The following SPAG16 variants were observed in gnomAD, a reference collection of about 807,000 sequenced individuals.
SPAG16 encodes the protein sperm-associated antigen 16 protein.
A neutral mutation model predicts 80.4 loss-of-function variants in SPAG16; 86 were observed. The observed-to-expected ratio is 1.07, with a 90% confidence interval of 0.90 to 1.28. The LOEUF is 1.28. Ranked by LOEUF, SPAG16 falls within the 50% of genes most tolerant of loss-of-function variation. The pLI is 0.00. For missense variants in SPAG16, 870 were observed against 765.3 expected, an observed-to-expected ratio of 1.14 and a Z score of -1.61; for synonymous variants, 294 against 265.9, an observed-to-expected ratio of 1.11 and a Z score of -1.03.
chr2:213,909,001 A>G (rs1273516283), intron 11 of SPAG16, among the ~76,000 whole-genome samples: 1 of 148,070 alleles, frequency 6.8e-6, no homozygotes, highest in African/African-American at 2.5e-5. Context: ...TTCAATTCCC[A>G]TCTATGAGTG....
intron 13 of SPAG16, among the ~76,000 whole-genome samples, chr2:214,083,517 C>G (rs2051520391): frequency 1.3e-5 from 2 of 152,126 alleles, no homozygotes; most frequent in Non-Finnish European, 2.9e-5. Flanking sequence ...GTCTCGTGTT[C>G]TGATTTCTGT....
intron 12 of SPAG16, among the ~76,000 whole-genome samples, chr2:213,968,097 T>TTC (rs1553683230): frequency 6.7e-6 from 1 of 149,834 alleles, no homozygotes; most frequent in Non-Finnish European, 1.5e-5. Context: ...CTTTCCTTCT[T>TTC]TTTTCTTTTC....
Position 213,886,833 on chromosome 2 carries a change from G to T in SPAG16, c.1214+24205G>T, listed in dbSNP as rs189469852. Among the ~76,000 whole-genome samples the T allele has an allele frequency of 2.0e-5, 3 of 152,044 alleles. No individual in the cohort carries two copies. The East Asian group carries it at 5.8e-4, about 29-fold the overall frequency. ...AAACTGTGGATAAAGGACTCATGAA[G>T]ATGACTAAAACCATTTAAAATTAGA... On this transcript the variant is annotated intron_variant, in intron 11 of 15. Transcript: ENST00000331683.
At chr2:213,533,820 C>T (rs976676555) in intron 10 of SPAG16, among the ~76,000 whole-genome samples, 2 of 151,950 alleles carry the variant, frequency 1.3e-5, no homozygotes, top group East Asian at 3.9e-4. Flanking sequence ...ATTCTTTAAT[C>T]ATGTATTTAT....
intron 15 of SPAG16, among the ~76,000 whole-genome samples, chr2:214,220,566 A>T (rs1265004433): frequency 1.3e-5 from 2 of 152,110 alleles, no homozygotes; most frequent in Non-Finnish European, 2.9e-5. Context: ...TCATAATTAA[A>T]CACTCTGTGT....
At chr2:214,074,318 T>C (rs2050955642) in intron 13 of SPAG16, among the ~76,000 whole-genome samples, 1 of 152,214 alleles carries the variant, frequency 6.6e-6, no homozygotes, top group South Asian at 2.1e-4. Context: ...AGAGAGGTTG[T>C]TTTTATGAAT....
intron 13 of SPAG16, among the ~76,000 whole-genome samples, chr2:214,079,498 A>G (rs1474741503): frequency 1.3e-5 from 2 of 152,240 alleles, no homozygotes; most frequent in African/African-American, 4.8e-5. Flanking sequence ...TAAATAAGCC[A>G]TGTTAGAAAG....
intron 15 of SPAG16, among the ~76,000 whole-genome samples, chr2:214,295,359 A>T (rs1694059428): frequency 6.6e-6 from 1 of 152,216 alleles, no homozygotes; most frequent in African/African-American, 2.4e-5. Context: ...TCCACACTCT[A>T]ATGAAACAGT....
chr2:213,907,800 C>T (rs920090534), intron 11 of SPAG16, among the ~76,000 whole-genome samples: 2 of 152,074 alleles, frequency 1.3e-5, no homozygotes, highest in African/African-American at 2.4e-5. Flanking sequence ...CACATTCTCT[C>T]TCATGTGGGA....
intron 11 of SPAG16, among the ~76,000 whole-genome samples, chr2:213,867,792 C>T (rs1231345326): frequency 2.0e-5 from 3 of 151,292 alleles, no homozygotes; most frequent in East Asian, 1.9e-4. Context: ...GGCGTGGTGG[C>T]GGGCACCTGT....
At chr2:213,441,514 A>C (rs577894518) in intron 9 of SPAG16, among the ~76,000 whole-genome samples, 7 of 152,338 alleles carry the variant, frequency 4.6e-5, no homozygotes, top group African/African-American at 1.7e-4. Context: ...CAGGAGTTGG[A>C]CTTACAAAGT....
chr2:214,327,079 G>A (rs369917281), intron 15 of SPAG16, among the ~76,000 whole-genome samples: 1 of 150,776 alleles, frequency 6.6e-6, no homozygotes, highest in South Asian at 2.1e-4. Context: ...GATAAAATAA[G>A]ATTGTGAATA....
chr2:213,879,550 G>A (rs886973261), intron 11 of SPAG16, among the ~76,000 whole-genome samples: 2 of 151,990 alleles, frequency 1.3e-5, no homozygotes, highest in African/African-American at 4.8e-5. Flanking sequence ...GGGAGTACAT[G>A]TGCAAGGTTA....
At chr2:214,350,096 C>T (rs1277678059) in intron 15 of SPAG16, among the ~76,000 whole-genome samples, 5 of 152,126 alleles carry the variant, frequency 3.3e-5, no homozygotes, top group Non-Finnish European at 7.4e-5. Flanking sequence ...TTCCTGGCTA[C>T]TTAGAGGATT....
At chr2:213,843,826 G>A (rs542282954) in intron 10 of SPAG16, among the ~76,000 whole-genome samples, 17 of 152,118 alleles carry the variant, frequency 1.1e-4, no homozygotes, top group Non-Finnish European at 1.2e-4. Flanking sequence ...ACTCCAGCCT[G>A]GGCGACAGAG....
intron 9 of SPAG16, among the ~76,000 whole-genome samples, chr2:213,475,596 C>G (rs2073327593): frequency 2.0e-5 from 3 of 152,172 alleles, no homozygotes; most frequent in Admixed American, 2.0e-4. Flanking sequence ...CTGCTTATGC[C>G]ATGGTTGTGA....
At chr2:213,535,348 A>C (rs150339573) in intron 10 of SPAG16, among the ~76,000 whole-genome samples, 14 of 152,212 alleles carry the variant, frequency 9.2e-5, no homozygotes, top group African/African-American at 3.4e-4. Flanking sequence ...ATGTTCAAGA[A>C]CCTAAAAGAA....
intron 9 of SPAG16, among the ~76,000 whole-genome samples, chr2:213,465,802 G>A (rs1355659073): frequency 2.0e-5 from 3 of 152,166 alleles, no homozygotes; most frequent in Non-Finnish European, 4.4e-5. Flanking sequence ...GTAGCCCATG[G>A]GCTGTTGGGG....
At chr2:213,588,592 G>A (rs192679103) in intron 10 of SPAG16, among the ~76,000 whole-genome samples, 2,053 of 150,722 alleles carry the variant, frequency 0.014, 23 homozygotes, top group Middle Eastern at 0.024. Context: ...CACGAGGTCA[G>A]GAGATCGAGA....
Sources: gnomAD v4.1 joint callset for allele counts (sites outside exome capture counted in the v4.1 genomes callset) on GRCh38, gnomAD v4.1.1 for gene constraint, MANE v1.5 for transcripts, NCBI Gene and HGNC (gene_info 2026-07-23, HGNC 2026-07-21) for gene names.